The following BCAS3 variants were observed in gnomAD, a reference collection of about 807,000 sequenced individuals.
BCAS3 encodes the protein BCAS4/BCAS3 fusion.
Under a neutral mutation model 116.1 loss-of-function variants are expected in BCAS3, and 53 were observed. The ratio of observed to expected loss-of-function variants is 0.46; its 90% confidence interval spans 0.37 to 0.57. The LOEUF is 0.57. Among genes scored for constraint, BCAS3 ranks in the 20% least tolerant of loss-of-function variants. The probability of loss-of-function intolerance (pLI) is 0.00; values close to 1 mark genes in which losing one functional copy is unlikely to be tolerated. For missense variants in BCAS3, 917 were observed against 1,165.4 expected (o/e 0.79, Z 3.10); for synonymous variants, 391 against 408.2 (o/e 0.96, Z 0.51).
rs1229772758 is a variant in BCAS3 at position 60,808,054 on chromosome 17, T to A, written c.454T>A (p.Cys152Ser). The A allele has an allele frequency of 6.2e-7, 1 of 1,607,444 alleles. No homozygotes were observed. Among genetic ancestry groups the A allele is most frequent in the Non-Finnish European group, 8.5e-7 (1 of 1,176,124 alleles). ...TGAAAAAAGACCCCTCCTTGGTGTTTGTAAGAGCATTGGATCTTCTGGGTA... is the reference window on the plus strand; with the variant it reads ...TGAAAAAAGACCCCTCCTTGGTGTTAGTAAGAGCATTGGATCTTCTGGGTA... ...FAEKRPLLGV[C>S]KSIGSSGTSP... Residue 152 changes from cysteine to serine, a missense_variant, in exon 7 of 24, where the codon TGT (cysteine) becomes AGT (serine). By Grantham distance (112) the Cys-to-Ser change is moderately radical. This residue lies in a region of BCAS3 where 807 missense variants were observed against 1,026.0 expected (regional missense o/e 0.79). Coordinates refer to ENST00000407086, the MANE Select transcript of BCAS3 (RefSeq NM_017679.5).
rs1012272309 is a variant in BCAS3, at chr17:61,083,103, T to G, written c.2328-1364T>G. 1.3e-5 allele frequency among the ~76,000 whole-genome samples: 2 copies of G among 152,178 alleles called. No individual in the cohort carries two copies. Among genetic ancestry groups the G allele is most frequent in the African/African-American group, 2.4e-5 (1 of 41,442 alleles). On this transcript the variant is annotated intron_variant, in intron 21 of 23. Coordinates refer to ENST00000407086, the MANE Select transcript of BCAS3 (RefSeq NM_017679.5). This position sits in a 1 kb window ranked among gnomAD's most constrained non-coding sequence, Gnocchi z 4.9. ...TCAGTCACTAATCTAAGTTTCTATA[T>G]GTTGTAGTCCTGTGCTTAAAGGGCA...
Position 61,233,979 on chromosome 17 carries a change from G to GT in BCAS3, c.2426-134335dup, listed in dbSNP as rs959547104. Among the ~76,000 whole-genome samples the GT allele has an allele frequency of 8.7e-3, 1,213 of 139,986 alleles. 12 individuals are homozygous for GT. Among genetic ancestry groups the GT allele is most frequent in the African/African-American group, 0.025 (965 of 38,418 alleles). 91.8% of individuals were successfully genotyped at this position (139,986 alleles called of 152,430 possible). On this transcript the variant is annotated intron_variant, in intron 22 of 23. Coordinates refer to ENST00000407086, the MANE Select transcript of BCAS3 (RefSeq NM_017679.5). This position sits in a 1 kb window ranked among gnomAD's most constrained non-coding sequence, Gnocchi z 4.3. ...TTGAGTATTACTAATATCAGGTTTG[G>GT]TTTTTTTTTTTTTCACTTAGTACCC...
chr17:61,248,360 T>C lies in BCAS3; in HGVS notation c.2426-119967T>C, dbSNP rs990458492. Among the ~76,000 whole-genome samples, 4 of 152,350 alleles carry C rather than the reference T, an allele frequency of 2.6e-5. No homozygotes were observed. In the South Asian group the frequency reaches 8.3e-4, roughly 32 times the overall value. ...TATATTTGTGAATTGTGGCTGATAC[T>C]ACTTTAAAAAATTCCAAAAAGAAAA... On this transcript the variant is annotated intron_variant, in intron 22 of 23. Coordinates refer to ENST00000407086, the MANE Select transcript of BCAS3 (RefSeq NM_017679.5). This position sits in a 1 kb window ranked among gnomAD's most constrained non-coding sequence, Gnocchi z 4.3.
chr17:61,259,102 G>A lies in BCAS3; in HGVS notation c.2426-109225G>A, dbSNP rs1225829261. Among the ~76,000 whole-genome samples, 3 of 152,198 alleles carry A rather than the reference G, an allele frequency of 2.0e-5. No homozygotes were observed. Among genetic ancestry groups the A allele is most frequent in the Non-Finnish European group, 4.4e-5 (3 of 68,036 alleles). On this transcript the variant is annotated intron_variant, in intron 22 of 23. Transcript: ENST00000407086. This position sits in a 1 kb window ranked among gnomAD's most constrained non-coding sequence, Gnocchi z 4.7. The stretch of plus-strand genomic sequence containing the variant: ...GCTAAAGAAGCTTTTCACTGTCTAA[G>A]CCCCTTCTAAACATGTTTCCTTCTA...
Position 61,348,210 on chromosome 17 carries a change from G to A in BCAS3, c.2426-20117G>A, listed in dbSNP as rs1378654338. Among the ~76,000 whole-genome samples, 1 of 152,128 alleles carries A rather than the reference G, an allele frequency of 6.6e-6. No individual in the cohort carries two copies. The highest frequency in any genetic ancestry group is 1.5e-5 in the Non-Finnish European group (1 of 68,032). On this transcript the variant is annotated intron_variant, in intron 22 of 23. Coordinates refer to ENST00000407086, the MANE Select transcript of BCAS3 (RefSeq NM_017679.5). This position sits in a 1 kb window ranked among gnomAD's most constrained non-coding sequence, Gnocchi z 4.5. The stretch of plus-strand genomic sequence containing the variant: ...GGACTTACTGGTCAGCTGGATGGAC[G>A]GGCGATGTTTGGGCCAATGAGAAGA...
rs978329421 is a variant in BCAS3 at position 60,962,434 on chromosome 17, T to C, written c.1221+15082T>C. On this transcript the variant is annotated intron_variant, in intron 14 of 23. Transcript: ENST00000407086. The surrounding 1 kb of genome is among the most constrained non-coding windows in gnomAD (Gnocchi z 4.4). ...TGATTTGTGTTTCTCTGATGACTAG[T>C]GATGTTGAGCATTTTTTTTCATATA... is the stretch of plus-strand genomic sequence containing the variant. 6.6e-6 allele frequency among the ~76,000 whole-genome samples: 1 copy of C among 152,212 alleles called. No individual in the cohort carries two copies. Among genetic ancestry groups the C allele is most frequent in the African/African-American group, 2.4e-5 (1 of 41,460 alleles).
At chr17:60,851,333 G>T in intron 7 of BCAS3, 1 of 341,812 alleles carries the variant, frequency 2.9e-6, no homozygotes, top group Non-Finnish European at 5.9e-6. Context: ...AAGGCTCTCG[G>T]CATGCTGCGG....
At chr17:61,253,662 C>T (rs951096059) in intron 22 of BCAS3, among the ~76,000 whole-genome samples, 2 of 151,160 alleles carry the variant, frequency 1.3e-5, no homozygotes, top group African/African-American at 2.4e-5. Context: ...AGATGAATCT[C>T]GGATGCCTCT....
chr17:61,250,855 A>G (rs2048316055), intron 22 of BCAS3, among the ~76,000 whole-genome samples: 2 of 152,236 alleles, frequency 1.3e-5, no homozygotes, highest in Non-Finnish European at 2.9e-5. Context: ...TTCTGGCCCA[A>G]GGACTCTATC....
Position 61,380,400 on chromosome 17 carries a change from G to A in BCAS3, c.2594-11577G>A, listed in dbSNP as rs932451232. 2.8e-6 allele frequency: 3 copies of A among 1,078,064 alleles called. No individual in the cohort carries two copies. The highest frequency in any genetic ancestry group is 1.6e-5 in the African/African-American group (1 of 64,036). The allele number at this position is 1,078,064 out of a possible 1,614,324, so 66.8% of individuals were successfully genotyped here. A position where few individuals can be genotyped will look rare whatever the true frequency, so the allele number is the denominator to read the frequency against. On this transcript the variant is annotated intron_variant, in intron 23 of 23. Coordinates refer to ENST00000407086, the MANE Select transcript of BCAS3 (RefSeq NM_017679.5). The surrounding 1 kb of genome is among the most constrained non-coding windows in gnomAD (Gnocchi z 4.2). ...GAACACCCCCGCAAAGCTCTCAGTG[G>A]TCAAACCAGATTTGGGTATCGACTC...
chr17:61,218,457 G>T (rs1364182049), intron 22 of BCAS3, among the ~76,000 whole-genome samples: 5 of 152,102 alleles, frequency 3.3e-5, no homozygotes, highest in Non-Finnish European at 7.4e-5. Flanking sequence ...GTTCCTAGAG[G>T]TCCTACAATC....
intron 22 of BCAS3, among the ~76,000 whole-genome samples, chr17:61,252,779 C>G (rs2144553579): frequency 6.6e-6 from 1 of 152,172 alleles, no homozygotes; most frequent in Non-Finnish European, 1.5e-5. Context: ...TCTGTCAGCT[C>G]TTAGTCTGCT....
intron 14 of BCAS3, among the ~76,000 whole-genome samples, chr17:60,969,420 A>G (rs538137202): frequency 1.3e-5 from 2 of 152,334 alleles, no homozygotes; most frequent in African/African-American, 4.8e-5. Flanking sequence ...ATACAATATC[A>G]AAAATAAAAA....
chr17:61,007,680 C>T lies in BCAS3; in HGVS notation c.1487-8071C>T, dbSNP rs916517832. ...TAGTGGGGAGAAGTGATGACACTATCATTAATAATCTCAATCCCCATCCTG... is the reference window on the plus strand; with the variant it reads ...TAGTGGGGAGAAGTGATGACACTATTATTAATAATCTCAATCCCCATCCTG... On this transcript the variant is annotated intron_variant, in intron 15 of 23. Transcript: ENST00000407086. The surrounding 1 kb of genome is among the most constrained non-coding windows in gnomAD (Gnocchi z 4.3). Among the ~76,000 whole-genome samples, 1 of 151,230 alleles carries T rather than the reference C, an allele frequency of 6.6e-6. No individual in the cohort carries two copies. The highest frequency in any genetic ancestry group is 2.4e-5 in the African/African-American group (1 of 41,022).
chr17:61,331,795 G>A (rs770107401), intron 22 of BCAS3, among the ~76,000 whole-genome samples: 4 of 152,142 alleles, frequency 2.6e-5, no homozygotes, highest in Non-Finnish European at 4.4e-5. Flanking sequence ...CACTCCAGTC[G>A]AGCGTGGCTT....
chr17:61,268,943 CT>C (rs1328402161), intron 22 of BCAS3, among the ~76,000 whole-genome samples: 6 of 150,654 alleles, frequency 4.0e-5, no homozygotes, highest in Non-Finnish European at 5.9e-5. Context: ...GCAGGATTTC[CT>C]TTTTTTTTAA....
chr17:60,793,902 T>C (rs1285553905), intron 6 of BCAS3, among the ~76,000 whole-genome samples: 1 of 152,144 alleles, frequency 6.6e-6, no homozygotes, highest in East Asian at 1.9e-4. Context: ...AATAATGACT[T>C]CTTTTCCTCT....
chr17:60,997,635 T>A (rs1405335410), intron 15 of BCAS3, among the ~76,000 whole-genome samples: 1 of 152,188 alleles, frequency 6.6e-6, no homozygotes, highest in Non-Finnish European at 1.5e-5. Flanking sequence ...CTAAGTAAAT[T>A]TAATTACATA....
chr17:61,178,090 A>G (rs370498368), intron 22 of BCAS3, among the ~76,000 whole-genome samples: 1 of 152,008 alleles, frequency 6.6e-6, no homozygotes, highest in South Asian at 2.1e-4. Flanking sequence ...TTTAATCCCA[A>G]TCTCTTTCTT....
Sources: allele counts gnomAD v4.1 joint callset (sites outside exome capture counted in the v4.1 genomes callset), GRCh38; gene constraint gnomAD v4.1.1; regional missense constraint gnomAD v4.1.1; non-coding constraint Gnocchi (gnomAD v3.1); transcripts MANE v1.5; gene names NCBI Gene and HGNC (gene_info 2026-07-23, HGNC 2026-07-21).